HMG20A: variants seen among roughly 807,000 people sequenced by gnomAD.
The protein encoded by HMG20A is high mobility group 20A, also known as high mobility group protein 20A.
A neutral mutation model predicts 43.9 loss-of-function variants in HMG20A; 17 were observed. The observed-to-expected ratio is 0.39, with a 90% CI of 0.27 to 0.58. The LOEUF (loss-of-function observed/expected upper bound fraction) is 0.58. Among genes scored for constraint, HMG20A ranks in the 20% least tolerant of loss-of-function variants. HMG20A has a pLI of 0.59. For synonymous variants in HMG20A, 132 were observed against 147.5 expected, an observed-to-expected ratio of 0.89 and a Z score of 0.76; for missense variants, 341 against 438.2, an observed-to-expected ratio of 0.78 and a Z score of 1.98.
rs762660516 is a variant in HMG20A, at chr15:77,467,298, G to T, written c.441G>T (p.Glu147Asp). Residue 147 changes from glutamate (E) to aspartate (D), a missense_variant, in exon 4 of 10, where the codon GAG becomes GAT. By Grantham distance (45) the Glu-to-Asp change is conservative. Around this residue, in one of 3 missense-constraint regions of HMG20A, gnomAD observed 220 missense variants for 263.6 expected, o/e 0.83. Transcript: ENST00000336216. ...ATGAATGGAGTAAACTGCCTCCTGA[G>T]GAAAAACAGGTAATTGTTCCTATTC... is the stretch of plus-strand genomic sequence containing the variant. ...LGNEWSKLPP[E>D]EKQRYLDEAD... 16 of 1,610,588 alleles carry T rather than the reference G, an allele frequency of 9.9e-6. No individual in the cohort carries two copies. The highest frequency in any genetic ancestry group is 1.0e-5 in the Non-Finnish European group (12 of 1,177,136).
chr15:77,447,788 C>T (rs1041933551), intron 1 of HMG20A: 75 of 152,176 alleles, frequency 4.9e-4, no homozygotes, highest in African/African-American at 1.8e-3. Flanking sequence ...TGACACCATA[C>T]ACCATCTTGG....
chr15:77,514,683 T>G, the HMG20A span, among the ~76,000 whole-genome samples: 4 of 151,958 alleles, frequency 2.6e-5, no homozygotes, highest in African/African-American at 9.7e-5. Context: ...GGAATTTGGA[T>G]TTTGGGGGAA....
At chr15:77,502,046 G>A in the HMG20A span, among the ~76,000 whole-genome samples, 4 of 151,906 alleles carry the variant, frequency 2.6e-5, no homozygotes, top group Non-Finnish European at 4.4e-5. Flanking sequence ...TTTCTCTACC[G>A]CCTGTAGGCA....
intron 1 of HMG20A, among the ~76,000 whole-genome samples, chr15:77,452,736 GA>G (rs903123944): frequency 1.0e-4 from 15 of 143,834 alleles, no homozygotes; most frequent in Non-Finnish European, 1.5e-4. Context: ...AGCAACCAAA[GA>G]AAAAAAAAAG....
intron 2 of HMG20A, chr15:77,458,705 A>G (rs2072679114): frequency 2.4e-6 from 1 of 419,666 alleles, no homozygotes; most frequent in African/African-American, 2.0e-5. Flanking sequence ...GTGAACTGGT[A>G]CAACAATATG....
chr15:77,435,750 C>T (rs1322771803), intron 1 of HMG20A, among the ~76,000 whole-genome samples: 1 of 152,132 alleles, frequency 6.6e-6, no homozygotes, highest in Non-Finnish European at 1.5e-5. Flanking sequence ...TTACTAATAA[C>T]TTCCATGTTG....
chr15:77,517,484 T>C, the HMG20A span, among the ~76,000 whole-genome samples: 1 of 151,584 alleles, frequency 6.6e-6, no homozygotes, highest in African/African-American at 2.4e-5. Context: ...CGAGGGATTC[T>C]ATGGCAGTAT....
At chr15:77,502,781 A>G in the HMG20A span, among the ~76,000 whole-genome samples, 2 of 152,142 alleles carry the variant, frequency 1.3e-5, no homozygotes, top group Non-Finnish European at 2.9e-5. Context: ...CAGCATGGGC[A>G]ACATAGTGAG....
rs771091255 is a variant in HMG20A, at chr15:77,458,489, A to G, written c.82A>G (p.Thr28Ala). ...DGSKESNDLA[T>A]TGLNHPEVPY... The stretch of plus-strand genomic sequence containing the variant: ...TTCCAAGGAGAGTAATGATCTGGCT[A>G]CCACTGGGTAAGCAGCTGCTTTAGG... The change falls in exon 2 of 10, where the codon ACC becomes GCC. Residue 28 changes from threonine to alanine, a missense_variant. Physicochemically the swap from Thr to Ala is moderately conservative, Grantham distance 58 (BLOSUM62 0). Transcript: ENST00000336216. 6.8e-6 allele frequency: 11 copies of G among 1,609,528 alleles called. No homozygotes were observed. The highest frequency in any genetic ancestry group is 1.7e-4 in the Middle Eastern group (1 of 6,044).
At chr15:77,497,655 T>G in the HMG20A span, among the ~76,000 whole-genome samples, 3 of 128,002 alleles carry the variant, frequency 2.3e-5, no homozygotes, top group African/African-American at 3.3e-5. Flanking sequence ...GAGATATTAA[T>G]AGAGAGAGAG....
intron 7 of HMG20A, 87 bp from the exon 8 acceptor site, chr15:77,478,208 T>C: frequency 7.5e-7 from 1 of 1,331,610 alleles, no homozygotes. Flanking sequence ...TAGAGGCAGC[T>C]AAGCAGAACT....
chr15:77,439,029 G>A (rs914352962), intron 1 of HMG20A, among the ~76,000 whole-genome samples: 2 of 151,738 alleles, frequency 1.3e-5, no homozygotes, highest in East Asian at 1.9e-4. Flanking sequence ...TCCTTACCTC[G>A]TGATCCACCT....
Position 77,458,481 on chromosome 15 carries a change from A to C in HMG20A, c.74A>C (p.Asp25Ala). Residue 25 changes from aspartate to alanine, a missense_variant, in exon 2 of 10, where the codon GAT becomes GCT. Around this residue, in one of 3 missense-constraint regions of HMG20A, gnomAD observed 220 missense variants for 263.6 expected, o/e 0.83. Coordinates refer to ENST00000336216, the MANE Select transcript of HMG20A (RefSeq NM_001304504.2). Reference protein sequence around the residue: ...ADEDGSKESNDLATTGLNHPE... With the variant: ...ADEDGSKESNALATTGLNHPE... ...GAAGACGGTTCCAAGGAGAGTAATG[A>C]TCTGGCTACCACTGGGTAAGCAGCT... 1 of 1,612,036 alleles carries C rather than the reference A, an allele frequency of 6.2e-7. No homozygotes were observed. The highest frequency in any genetic ancestry group is 8.5e-7 in the Non-Finnish European group (1 of 1,178,250).
downstream of HMG20A, among the ~76,000 whole-genome samples, chr15:77,486,828 G>T (rs1228626294): frequency 6.6e-6 from 1 of 152,192 alleles, no homozygotes; most frequent in Non-Finnish European, 1.5e-5. Context: ...TTGGAGGACA[G>T]GAAGATAGGA....
At chr15:77,509,254 ATCTT>A in the HMG20A span, among the ~76,000 whole-genome samples, 189 of 150,666 alleles carry the variant, frequency 1.3e-3, no homozygotes, top group African/African-American at 4.5e-3. Context: ...TTTCTCTTTC[ATCTT>A]TCTTTCTTTC....
the HMG20A span, among the ~76,000 whole-genome samples, chr15:77,516,932 CTG>C: frequency 6.6e-6 from 1 of 152,188 alleles, no homozygotes; most frequent in South Asian, 2.1e-4. Flanking sequence ...GTGGAGGCTG[CTG>C]TGATAGGCCG....
intron 1 of HMG20A, among the ~76,000 whole-genome samples, chr15:77,433,552 G>A (rs1002307167): frequency 1.3e-5 from 2 of 152,102 alleles, no homozygotes; most frequent in Non-Finnish European, 2.9e-5. Context: ...AATCTCTTTC[G>A]TGAACCTAAA....
intron 6 of HMG20A, 37 bp from the exon 7 acceptor site, chr15:77,477,518 A>G (rs749623734): frequency 2.1e-6 from 3 of 1,418,354 alleles, no homozygotes; most frequent in East Asian, 2.3e-5. Context: ...TTTATCTTCT[A>G]TTAAGAATTA....
the HMG20A span, among the ~76,000 whole-genome samples, chr15:77,512,678 T>C: frequency 6.6e-6 from 1 of 152,116 alleles, no homozygotes; most frequent in Non-Finnish European, 1.5e-5. Context: ...AATATTTGAT[T>C]TAGTCAAGAA....
Sources: gnomAD v4.1 joint callset for allele counts (sites outside exome capture counted in the v4.1 genomes callset) on GRCh38, gnomAD v4.1.1 for gene constraint, gnomAD v4.1.1 regional missense constraint, MANE v1.5 for transcripts, NCBI Gene and HGNC (gene_info 2026-07-23, HGNC 2026-07-21) for gene names.